The following NAV1 variants were observed in gnomAD, a reference collection of about 807,000 sequenced individuals.
The protein encoded by NAV1 is neuron navigator 1, also known as pore membrane and/or filament interacting like protein 3.
A neutral mutation model predicts 175.2 loss-of-function variants in NAV1; 18 were observed. That is an observed-to-expected ratio of 0.10 (90% confidence interval 0.07 to 0.15). The LOEUF (loss-of-function observed/expected upper bound fraction) is 0.15, where lower values mean the gene tolerates loss of function less well. Ranked by LOEUF, NAV1 falls within the 10% of genes least tolerant of loss-of-function variation. The probability of loss-of-function intolerance (pLI) is 1.00; values close to 1 mark genes in which losing one functional copy is unlikely to be tolerated. For missense variants in NAV1, 1,731 were observed against 2,436.6 expected, an observed-to-expected ratio of 0.71 and a Z score of 6.10; for synonymous variants, 897 against 978.7, an observed-to-expected ratio of 0.92 and a Z score of 1.56.
chr1:201,590,145 G>A (rs1380159131), intron 2 of NAV1, among the ~76,000 whole-genome samples: 1 of 152,010 alleles, frequency 6.6e-6, no homozygotes, highest in Admixed American at 6.6e-5. Context: ...CATCTGCCTC[G>A]GCCTCCCAAA....
intron 1 of NAV1, among the ~76,000 whole-genome samples, chr1:201,670,539 G>T (rs1343691047): frequency 6.6e-6 from 1 of 152,056 alleles, no homozygotes; most frequent in African/African-American, 2.4e-5. Context: ...AGCAGTGATG[G>T]TGGCAGTGAT....
At chr1:201,720,146 T>C (rs1270594356) in intron 3 of NAV1, among the ~76,000 whole-genome samples, 1 of 152,300 alleles carries the variant, frequency 6.6e-6, no homozygotes, top group East Asian at 1.9e-4. Context: ...GTCAGAGGCC[T>C]GTGCTGGGCA....
intron 1 of NAV1, among the ~76,000 whole-genome samples, chr1:201,702,817 T>G (rs776126228): frequency 6.6e-6 from 1 of 152,146 alleles, no homozygotes; most frequent in Non-Finnish European, 1.5e-5. Context: ...TGCCATTTGC[T>G]GTTATATGTC....
At chr1:201,737,960 C>T (rs1423585943) in intron 3 of NAV1, among the ~76,000 whole-genome samples, 4 of 152,158 alleles carry the variant, frequency 2.6e-5, no homozygotes, top group Admixed American at 2.6e-4. Context: ...CAGAGCCTCC[C>T]TAGAGAACTC....
chr1:201,669,458 G>A (rs1669951757), intron 1 of NAV1, among the ~76,000 whole-genome samples: 1 of 152,210 alleles, frequency 6.6e-6, no homozygotes, highest in Admixed American at 6.5e-5. Context: ...CGAGGTGGCA[G>A]TGGTGCAACA....
chr1:201,788,189 A>G lies in NAV1; in HGVS notation c.2996-279A>G, dbSNP rs1676887692. On this transcript the variant is annotated intron_variant, in intron 9 of 29. Transcript: ENST00000367296. This position sits in a 1 kb window ranked among gnomAD's most constrained non-coding sequence, Gnocchi z 5.7. ...GGCCCCCAGCCTAACCTTCAAAAGCAACAACTCTGAGGCAGGCAGGGTTGA... is the reference window on the plus strand; with the variant it reads ...GGCCCCCAGCCTAACCTTCAAAAGCGACAACTCTGAGGCAGGCAGGGTTGA... 6.6e-6 allele frequency among the ~76,000 whole-genome samples: 1 copy of G among 152,172 alleles called. No homozygotes were observed. Among genetic ancestry groups the G allele is most frequent in the Admixed American group, 6.5e-5 (1 of 15,284 alleles).
chr1:201,623,926 G>T (rs1558023770), intron 1 of NAV1, among the ~76,000 whole-genome samples: 1 of 152,152 alleles, frequency 6.6e-6, no homozygotes, highest in East Asian at 1.9e-4. Context: ...ATAAAGATTG[G>T]GATGTCGTGG....
intron 1 of NAV1, among the ~76,000 whole-genome samples, chr1:201,676,009 C>G (rs1290777854): frequency 6.6e-6 from 1 of 152,218 alleles, no homozygotes; most frequent in East Asian, 1.9e-4. Flanking sequence ...GAGAGTCTTG[C>G]CCCCTCTCTG....
intron 2 of NAV1, among the ~76,000 whole-genome samples, chr1:201,607,666 AT>A (rs1273672123): frequency 2.0e-5 from 3 of 146,930 alleles, no homozygotes; most frequent in Non-Finnish European, 3.0e-5. Context: ...TAATTTTTGT[AT>A]TTTTAGTAGA....
intron 2 of NAV1, among the ~76,000 whole-genome samples, chr1:201,612,952 C>T (rs1246040324): frequency 6.6e-6 from 1 of 152,066 alleles, no homozygotes; most frequent in Non-Finnish European, 1.5e-5. Context: ...TTCTCTCTTG[C>T]CTGAGGTGAA....
At chr1:201,593,621 T>G (rs1017271744) in intron 2 of NAV1, among the ~76,000 whole-genome samples, 2 of 152,194 alleles carry the variant, frequency 1.3e-5, no homozygotes, top group African/African-American at 4.8e-5. Flanking sequence ...TCCTCTGAGC[T>G]TCCATGTACT....
At chr1:201,614,862 C>T (rs75073610) in intron 2 of NAV1, among the ~76,000 whole-genome samples, 6,640 of 152,266 alleles carry the variant, frequency 0.044, 213 homozygotes, top group Non-Finnish European at 0.067. Context: ...GTCCTTGCCT[C>T]TGAAGTGGGA....
At chr1:201,818,857 G>T (rs923083228) in intron 29 of NAV1, among the ~76,000 whole-genome samples, 1 of 152,068 alleles carries the variant, frequency 6.6e-6, no homozygotes, top group African/African-American at 2.4e-5. Context: ...TTAAAATTTT[G>T]ACTTTGTTAA....
intron 3 of NAV1, among the ~76,000 whole-genome samples, chr1:201,743,742 A>G (rs1673581542): frequency 6.6e-6 from 1 of 152,268 alleles, no homozygotes; most frequent in East Asian, 1.9e-4. Flanking sequence ...CTTAGAATAT[A>G]TCTCTGATTT....
chr1:201,693,267 G>T (rs1042349022), intron 1 of NAV1, among the ~76,000 whole-genome samples: 2 of 152,236 alleles, frequency 1.3e-5, no homozygotes, highest in Non-Finnish European at 2.9e-5. Flanking sequence ...CAAGTGATAC[G>T]CAGGCTGTGG....
At chr1:201,771,559 T>A (rs2102674444) in intron 3 of NAV1, among the ~76,000 whole-genome samples, 1 of 149,390 alleles carries the variant, frequency 6.7e-6, no homozygotes, top group African/African-American at 2.5e-5. Flanking sequence ...CAAACCTGGC[T>A]CTATGACAGG....
At chr1:201,668,496 G>A (rs376443636) in intron 1 of NAV1, among the ~76,000 whole-genome samples, 3 of 152,038 alleles carry the variant, frequency 2.0e-5, no homozygotes, top group African/African-American at 7.2e-5. Context: ...TTCCTCCTAG[G>A]GTCTCTCTGC....
At chr1:201,543,657 TGTG>T (rs1278291602) in intron 1 of NAV1, among the ~76,000 whole-genome samples, 1 of 152,348 alleles carries the variant, frequency 6.6e-6, no homozygotes. Flanking sequence ...ACAATTATAT[TGTG>T]GTAAATATGT....
chr1:201,645,163 A>C (rs1467472674), upstream of NAV1, among the ~76,000 whole-genome samples: 1 of 152,170 alleles, frequency 6.6e-6, no homozygotes, highest in Non-Finnish European at 1.5e-5. Flanking sequence ...AATGTCCAAC[A>C]ACGATAGACT....
Sources: allele counts gnomAD v4.1 joint callset (sites outside exome capture counted in the v4.1 genomes callset), GRCh38; gene constraint gnomAD v4.1.1; non-coding constraint Gnocchi (gnomAD v3.1); transcripts MANE v1.5; gene names NCBI Gene and HGNC (gene_info 2026-07-23, HGNC 2026-07-21).